The following F13A1 variants were observed in gnomAD, a reference collection of about 807,000 sequenced individuals.
The protein encoded by F13A1 is FSF, A subunit.
Under a neutral mutation model 80.1 loss-of-function variants are expected in F13A1, and 47 were observed. That is an observed-to-expected ratio of 0.59 (90% CI 0.46 to 0.75). F13A1 has a LOEUF of 0.75. Ranked by LOEUF, F13A1 falls within the 30% of genes least tolerant of loss-of-function variation. The pLI is 0.00. For synonymous variants in F13A1, 349 were observed against 344.9 expected (o/e 1.01, Z -0.13); for missense variants, 817 against 930.4 (o/e 0.88, Z 1.59).
intron 10 of F13A1, among the ~76,000 whole-genome samples, chr6:6,182,799 C>T (rs1480540759): frequency 2.0e-5 from 3 of 152,164 alleles, no homozygotes; most frequent in Non-Finnish European, 2.9e-5. Context: ...ATCAGGACCA[C>T]CTATTTCAGG....
chr6:6,195,664 C>A (rs1384336810), intron 10 of F13A1, 133 bp downstream of exon 10: 3 of 775,592 alleles, frequency 3.9e-6, no homozygotes, highest in Non-Finnish European at 6.8e-6. Context: ...TGGAATAATG[C>A]CTAGTTACCT....
chr6:6,240,782 T>C (rs1757474201), intron 6 of F13A1, among the ~76,000 whole-genome samples: 1 of 152,214 alleles, frequency 6.6e-6, no homozygotes, highest in South Asian at 2.1e-4. Flanking sequence ...TATGGTATTG[T>C]TTACTTTGAA....
intron 9 of F13A1, 134 bp downstream of exon 9, chr6:6,197,089 T>A: frequency 1.3e-6 from 1 of 759,504 alleles, no homozygotes; most frequent in Non-Finnish European, 2.3e-6. Context: ...TAGCTAATAC[T>A]GTACATGTGC....
chr6:6,237,245 T>C (rs17141878), intron 6 of F13A1, among the ~76,000 whole-genome samples: 8,890 of 152,204 alleles, frequency 0.058, 359 homozygotes, highest in Non-Finnish European at 0.084. Context: ...AGTTATGTTG[T>C]AAGGATAGGA....
At chr6:6,220,118 G>T (rs1013605214) in intron 8 of F13A1, among the ~76,000 whole-genome samples, 1 of 152,178 alleles carries the variant, frequency 6.6e-6, no homozygotes, top group African/African-American at 2.4e-5. Context: ...CATGGTCTGG[G>T]CACGTCCTGA....
At chr6:6,251,005 A>G in intron 4 of F13A1, 76 bp from the exon 5 acceptor site, 1 of 1,145,588 alleles carries the variant, frequency 8.7e-7, no homozygotes, top group Non-Finnish European at 1.3e-6. Flanking sequence ...ATGCAAGTTT[A>G]TTTTGTTTCT....
At chr6:6,299,894 T>C (rs1758394023) in intron 3 of F13A1, among the ~76,000 whole-genome samples, 1 of 147,480 alleles carries the variant, frequency 6.8e-6, no homozygotes, top group African/African-American at 2.7e-5. Flanking sequence ...CTACTTTTGG[T>C]CTTTGATGAT....
chr6:6,167,127 A>G (rs1353715911), intron 13 of F13A1, among the ~76,000 whole-genome samples: 1 of 152,178 alleles, frequency 6.6e-6, no homozygotes, highest in Admixed American at 6.6e-5. Flanking sequence ...TTCTGGAGAC[A>G]CTGAAAGTTC....
chr6:6,163,261 G>A (rs1045985811), intron 13 of F13A1, among the ~76,000 whole-genome samples: 2 of 152,202 alleles, frequency 1.3e-5, no homozygotes, highest in Non-Finnish European at 2.9e-5. Context: ...CATATCCTAT[G>A]TAATTCTGGA....
intron 2 of F13A1, among the ~76,000 whole-genome samples, chr6:6,306,322 T>C (rs1758511979): frequency 6.6e-6 from 1 of 152,234 alleles, no homozygotes; most frequent in Admixed American, 6.5e-5. Context: ...TAAACGTAAA[T>C]CACATGTTTC....
chr6:6,214,071 T>C (rs1160175763), intron 8 of F13A1, among the ~76,000 whole-genome samples: 2 of 129,790 alleles, frequency 1.5e-5, no homozygotes, highest in African/African-American at 6.2e-5. Flanking sequence ...CTCCCACACA[T>C]TAATAATGGG....
intron 8 of F13A1, among the ~76,000 whole-genome samples, chr6:6,217,956 T>C (rs1476815267): frequency 2.6e-5 from 4 of 152,194 alleles, no homozygotes; most frequent in East Asian, 3.9e-4. Context: ...GTTTATTCAG[T>C]GCTTGCTCTA....
At chr6:6,223,490 C>G (rs1757228989) in intron 7 of F13A1, among the ~76,000 whole-genome samples, 1 of 152,128 alleles carries the variant, frequency 6.6e-6, no homozygotes, top group Non-Finnish European at 1.5e-5. Flanking sequence ...GACCTCCAAC[C>G]TTTAACCTAC....
At position 6,243,265 on chromosome 6, in the gene F13A1, C is replaced by A. The variant is rs1316345013; in HGVS notation, c.798+5047G>T. Among the ~76,000 whole-genome samples, 1 of 151,442 alleles carries A rather than the reference C, an allele frequency of 6.6e-6. No homozygotes were observed. The highest frequency in any genetic ancestry group is 1.5e-5 in the Non-Finnish European group (1 of 67,816). On this transcript the variant is annotated intron_variant, in intron 6 of 14. Transcript: ENST00000264870. This position sits in a 1 kb window ranked among gnomAD's most constrained non-coding sequence, Gnocchi z 4.2. ...ACCACCACCATCACCATCATCATCA[C>A]TATCACCACCATAATCACCCTACCA...
At chr6:6,151,762 G>T (rs1268247492) in intron 14 of F13A1, 51 bp downstream of exon 14, 3 of 1,612,120 alleles carry the variant, frequency 1.9e-6, no homozygotes, top group Non-Finnish European at 2.5e-6. Flanking sequence ...CACAGAGAAA[G>T]CTTCCCACAG....
intron 4 of F13A1, among the ~76,000 whole-genome samples, chr6:6,260,515 C>A (rs1350138589): frequency 6.6e-6 from 1 of 152,150 alleles, no homozygotes; most frequent in South Asian, 2.1e-4. Flanking sequence ...AGCGCTGAAT[C>A]CTTTGTTATG....
intron 3 of F13A1, among the ~76,000 whole-genome samples, chr6:6,301,721 G>A (rs550403510): frequency 2.0e-5 from 3 of 152,304 alleles, no homozygotes; most frequent in African/African-American, 7.2e-5. Flanking sequence ...CCCATTGTTG[G>A]GAGTGTTGGT....
chr6:6,205,716 ATT>A (rs963466222), intron 8 of F13A1, among the ~76,000 whole-genome samples: 1 of 148,494 alleles, frequency 6.7e-6, no homozygotes. Context: ...GTGTTTTATT[ATT>A]TTTTTTTTAG....
chr6:6,319,085 TAA>T (rs1423742961), intron 1 of F13A1, among the ~76,000 whole-genome samples: 1 of 152,246 alleles, frequency 6.6e-6, no homozygotes, highest in East Asian at 1.9e-4. Context: ...TATGAGATTA[TAA>T]GTCACTTTTA....
Sources: allele counts gnomAD v4.1 joint callset (sites outside exome capture counted in the v4.1 genomes callset), GRCh38; gene constraint gnomAD v4.1.1; non-coding constraint Gnocchi (gnomAD v3.1); transcripts MANE v1.5; gene names NCBI Gene and HGNC (gene_info 2026-07-23, HGNC 2026-07-21).